The following QSER1 variants were observed in gnomAD, a reference collection of about 807,000 sequenced individuals.
QSER1 encodes glutamine and serine-rich protein 1.
A neutral mutation model predicts 158.5 loss-of-function variants in QSER1; 49 were observed. The ratio of observed to expected loss-of-function variants is 0.31; its 90% CI spans 0.25 to 0.39. QSER1 has a LOEUF of 0.39. Ranked by LOEUF, QSER1 falls within the 10% of genes least tolerant of loss-of-function variation. The probability of loss-of-function intolerance (pLI) is 1.00; values close to 1 mark genes in which losing one functional copy is unlikely to be tolerated. For missense variants in QSER1, 1,754 were observed against 2,010.3 expected, an observed-to-expected ratio of 0.87 and a Z score of 2.44; for synonymous variants, 650 against 715.5, an observed-to-expected ratio of 0.91 and a Z score of 1.46.
intron 4 of QSER1, among the ~76,000 whole-genome samples, chr11:32,937,047 C>G (rs1762296517): frequency 6.6e-6 from 1 of 152,188 alleles, no homozygotes; most frequent in Non-Finnish European, 1.5e-5. Context: ...TATATTCCCT[C>G]TTACATTCCC....
Position 32,976,493 on chromosome 11 carries a change from A to G in QSER1, c.*19A>G. 1 of 1,609,992 alleles carries G rather than the reference A, an allele frequency of 6.2e-7. No individual in the cohort carries two copies. Among genetic ancestry groups the G allele is most frequent in the Non-Finnish European group, 8.5e-7 (1 of 1,178,394 alleles). On this transcript the variant is annotated 3_prime_UTR_variant, in exon 13 of 13. Transcript: ENST00000650167. ...TTCCTGACTTTTCCACAAAAATCCCATCTTTTTATAGCACTAATGAAATGG... is the reference window on the plus strand; with the variant it reads ...TTCCTGACTTTTCCACAAAAATCCCGTCTTTTTATAGCACTAATGAAATGG...
Position 32,978,432 on chromosome 11 carries a change from T to C in QSER1, c.*1958T>C, listed in dbSNP as rs1312409290. Reference sequence around the variant, plus strand: ...ATTTCCTAATGTGGCATTGTAAATATACATCTTTATATTACTCTTCCAGCC... The same window carrying C: ...ATTTCCTAATGTGGCATTGTAAATACACATCTTTATATTACTCTTCCAGCC... On this transcript the variant is annotated 3_prime_UTR_variant, in exon 13 of 13. Transcript: ENST00000650167. 3 of 152,236 alleles carry C rather than the reference T, an allele frequency of 2.0e-5. No homozygotes were observed. The highest frequency in any genetic ancestry group is 6.5e-5 in the Admixed American group (1 of 15,282). 9.4% of individuals were successfully genotyped at this position (152,236 alleles called of 1,614,324 possible).
At chr11:32,947,685 C>T (rs1852358829) in intron 4 of QSER1, among the ~76,000 whole-genome samples, 1 of 151,732 alleles carries the variant, frequency 6.6e-6, no homozygotes, top group African/African-American at 2.4e-5. Context: ...TCCTCTCTAC[C>T]CTTATTTGTT....
chr11:32,946,753 T>C (rs1334447480), intron 4 of QSER1, among the ~76,000 whole-genome samples: 1 of 151,962 alleles, frequency 6.6e-6, no homozygotes, highest in Non-Finnish European at 1.5e-5. Flanking sequence ...TGTGGTGGGC[T>C]CCACCCAGTT....
chr11:32,898,354 C>G (rs1026828741), intron 1 of QSER1, among the ~76,000 whole-genome samples: 1 of 152,044 alleles, frequency 6.6e-6, no homozygotes, highest in South Asian at 2.1e-4. Flanking sequence ...TGCATGGTGG[C>G]GTGCGCCTGT....
At chr11:32,908,877 G>A (rs1851728128) in intron 1 of QSER1, among the ~76,000 whole-genome samples, 1 of 152,132 alleles carries the variant, frequency 6.6e-6, no homozygotes, top group African/African-American at 2.4e-5. Context: ...AGAAATATAT[G>A]GGCCAGGCAC....
Position 32,933,930 on chromosome 11 carries a change from A to AAAT in QSER1, c.2674_2676dup (p.Ile892dup), listed in dbSNP as rs1159948405. The AAAT allele has an allele frequency of 6.2e-7, 1 of 1,614,070 alleles. No individual in the cohort carries two copies. Among genetic ancestry groups the AAAT allele is most frequent in the Non-Finnish European group, 8.5e-7 (1 of 1,179,976 alleles). On this transcript the variant is annotated inframe_insertion, in exon 4 of 13. Transcript: ENST00000650167. The stretch of plus-strand genomic sequence containing the variant: ...GCACAGCGTGTTCAAAGCCCTCAAC[A>AAAT]AATAGTACATCCCTTCCTTCAGATG...
chr11:32,904,389 ACCATGCTGG>A (rs1447032507), intron 1 of QSER1, among the ~76,000 whole-genome samples: 2 of 151,804 alleles, frequency 1.3e-5, no homozygotes, highest in Non-Finnish European at 2.9e-5. Flanking sequence ...ACGAGGTTTC[ACCATGCTGG>A]CCAGGCTGGC....
chr11:32,934,775 G>C lies in QSER1; in HGVS notation c.3517G>C (p.Ala1173Pro), dbSNP rs1163335876. 6.2e-7 allele frequency: 1 copy of C among 1,614,026 alleles called. No individual in the cohort carries two copies. Among genetic ancestry groups the C allele is most frequent in the East Asian group, 2.2e-5 (1 of 44,884 alleles). ...VSMNPARSAL[A>P]LLAMAQSGDA... ...AATGAACCCAGCTAGGAGTGCACTTGCACTGTTGGCCATGGCCCAATCTGG... is the reference window on the plus strand; with the variant it reads ...AATGAACCCAGCTAGGAGTGCACTTCCACTGTTGGCCATGGCCCAATCTGG... Residue 1173 changes from alanine (A) to proline (P), a missense_variant, in exon 4 of 13, where the codon GCA becomes CCA. Ala to Pro is a conservative substitution (Grantham distance 27). Around this residue, in one of 2 missense-constraint regions of QSER1, gnomAD observed 1,707 missense variants for 1,919.6 expected, o/e 0.89. Coordinates refer to ENST00000650167, the MANE Select transcript of QSER1 (RefSeq NM_001076786.3).
chr11:32,928,481 C>A (rs1025964651), intron 3 of QSER1, among the ~76,000 whole-genome samples: 1 of 152,052 alleles, frequency 6.6e-6, no homozygotes, highest in Admixed American at 6.5e-5. Context: ...TAAAAAAAAT[C>A]TTGGGACTCA....
intron 9 of QSER1, among the ~76,000 whole-genome samples, chr11:32,967,470 AT>A (rs1852771878): frequency 6.6e-6 from 1 of 151,424 alleles, no homozygotes; most frequent in African/African-American, 2.4e-5. Context: ...CCCTAAAGCT[AT>A]TGAAATTTTT....
intron 4 of QSER1, among the ~76,000 whole-genome samples, chr11:32,944,559 T>C (rs1852296303): frequency 6.6e-6 from 1 of 152,032 alleles, no homozygotes; most frequent in Admixed American, 6.5e-5. Context: ...AGTGAGATTC[T>C]TAAACCTGAG....
At chr11:32,937,301 A>G (rs1320399487) in intron 4 of QSER1, among the ~76,000 whole-genome samples, 2 of 151,934 alleles carry the variant, frequency 1.3e-5, no homozygotes. Context: ...TTATTATTTT[A>G]AGAGACAGAG....
chr11:32,903,645 C>T (rs569757017), intron 1 of QSER1, among the ~76,000 whole-genome samples: 6 of 152,056 alleles, frequency 3.9e-5, no homozygotes, highest in African/African-American at 1.2e-4. Context: ...CTTGCTCTGT[C>T]GCCCAGGCTG....
chr11:32,950,104 T>G (rs76969716), intron 4 of QSER1, among the ~76,000 whole-genome samples: 3 of 152,138 alleles, frequency 2.0e-5, no homozygotes, highest in Admixed American at 6.5e-5. Context: ...CCTTTTTTTT[T>G]CTTTTTTTGA....
intron 1 of QSER1, among the ~76,000 whole-genome samples, chr11:32,895,770 G>A (rs1851546405): frequency 6.6e-6 from 1 of 152,190 alleles, no homozygotes; most frequent in Non-Finnish European, 1.5e-5. Context: ...CCTACTTTAT[G>A]CCTTCTTGGT....
rs1343503898 is a variant in QSER1 at position 32,892,897 on chromosome 11, C to T, written c.-229C>T. Reference sequence around the variant, plus strand: ...GTCCCGGCCGCGGGTGCCTCCGCTTCCCTGACGCCCAGCTGGGGCCTCGCC... The same window carrying T: ...GTCCCGGCCGCGGGTGCCTCCGCTTTCCTGACGCCCAGCTGGGGCCTCGCC... On this transcript the variant is annotated 5_prime_UTR_variant, in exon 1 of 13. Coordinates refer to ENST00000650167, the MANE Select transcript of QSER1 (RefSeq NM_001076786.3). Among the ~76,000 whole-genome samples the T allele has an allele frequency of 1.4e-3, 206 of 148,086 alleles. 2 individuals are homozygous for T. Among genetic ancestry groups the T allele is most frequent in the Non-Finnish European group, 4.8e-4 (32 of 66,560 alleles).
chr11:32,905,162 A>G (rs1317018830), intron 1 of QSER1, among the ~76,000 whole-genome samples: 1 of 152,234 alleles, frequency 6.6e-6, no homozygotes. Flanking sequence ...GTAACTAAAC[A>G]TAAAATAATG....
intron 4 of QSER1, among the ~76,000 whole-genome samples, chr11:32,946,180 G>C (rs1031047588): frequency 6.6e-6 from 1 of 151,458 alleles, no homozygotes; most frequent in African/African-American, 2.4e-5. Context: ...CCTTTGGTTT[G>C]AATGTCCTCC....
Sources: gnomAD v4.1 joint callset for allele counts (sites outside exome capture counted in the v4.1 genomes callset) on GRCh38, gnomAD v4.1.1 for gene constraint, gnomAD v4.1.1 regional missense constraint, MANE v1.5 for transcripts, NCBI Gene and HGNC (gene_info 2026-07-23, HGNC 2026-07-21) for gene names.